The following FEZ1 variants were observed in gnomAD, a reference collection of about 807,000 sequenced individuals.
The protein encoded by FEZ1 is fasciculation and elongation protein zeta 1, also known as fasciculation and elongation protein zeta-1.
In FEZ1, 20 loss-of-function variants were observed where a neutral mutation model predicts 49.3. The ratio of observed to expected loss-of-function variants is 0.41; its 90% CI spans 0.29 to 0.59. FEZ1 has a LOEUF of 0.59. Among genes scored for constraint, FEZ1 ranks in the 20% least tolerant of loss-of-function variants. FEZ1 has a pLI of 0.36. For synonymous variants in FEZ1, 170 were observed against 180.9 expected (o/e 0.94, Z 0.48); for missense variants, 413 against 476.0 (o/e 0.87, Z 1.23).
At chr11:125,458,762 T>C (rs1183261580) in intron 5 of FEZ1, among the ~76,000 whole-genome samples, 2 of 152,192 alleles carry the variant, frequency 1.3e-5, no homozygotes. Flanking sequence ...GGCCTGGAGG[T>C]TACTGCTTTG....
intron 5 of FEZ1, among the ~76,000 whole-genome samples, chr11:125,457,492 G>GACACA (rs1565533662): frequency 3.5e-5 from 1 of 28,440 alleles, no homozygotes; most frequent in East Asian, 1.3e-3. Context: ...ACATATATGT[G>GACACA]TATATATGTA....
intron 8 of FEZ1, among the ~76,000 whole-genome samples, chr11:125,451,063 T>C (rs994993991): frequency 6.6e-6 from 1 of 152,224 alleles, no homozygotes; most frequent in Non-Finnish European, 1.5e-5. Flanking sequence ...CTGCAACAAA[T>C]TAATAGCTAT....
At chr11:125,473,800 C>G (rs1591594429) in intron 3 of FEZ1, among the ~76,000 whole-genome samples, 1 of 122,192 alleles carries the variant, frequency 8.2e-6, no homozygotes, top group Non-Finnish European at 1.6e-5. Context: ...GCCTGGGCAA[C>G]AGAGCAAGAC....
rs184484984 is a variant in FEZ1 at position 125,464,243 on chromosome 11, A to G, written c.412-673T>C. On this transcript the variant is annotated intron_variant, in intron 3 of 9. Coordinates refer to ENST00000278919, the MANE Select transcript of FEZ1 (RefSeq NM_005103.5). Reference sequence around the variant, plus strand: ...CTATAATTCCATAATCCCAAGTAAGATCCTCAAAGTTCACAGCCATCAAAA... The same window carrying G: ...CTATAATTCCATAATCCCAAGTAAGGTCCTCAAAGTTCACAGCCATCAAAA... Among the ~76,000 whole-genome samples the G allele has an allele frequency of 1.8e-3, 277 of 152,294 alleles. 6 individuals carry two copies. Among genetic ancestry groups the G allele is most frequent in the African/African-American group, 4.9e-3 (202 of 41,558 alleles).
intron 2 of FEZ1, 74 bp from the exon 3 acceptor site, chr11:125,481,707 C>G (rs961289585): frequency 3.3e-5 from 34 of 1,037,280 alleles, no homozygotes; most frequent in Non-Finnish European, 4.4e-5. Context: ...AGAGCTGGGC[C>G]GGGAGAGGAG....
Position 125,444,947 on chromosome 11 carries a change from T to C in FEZ1, c.*1148A>G, listed in dbSNP as rs1395530790. 2.6e-5 allele frequency among the ~76,000 whole-genome samples: 4 copies of C among 152,196 alleles called. No individual in the cohort carries two copies. The highest frequency in any genetic ancestry group is 2.6e-4 in the Admixed American group (4 of 15,282). On this transcript the variant is annotated 3_prime_UTR_variant, in exon 10 of 10. Transcript: ENST00000278919. ...TGAAGCCAGTGCAGGCTACAGCAAG[T>C]GCCCAGTACAAGTTTTTGCTTTCAG...
At position 125,489,266 on chromosome 11, in the gene FEZ1, A is replaced by G; in HGVS notation, c.311+201T>C. On this transcript the variant is annotated intron_variant, in intron 2 of 9. Coordinates refer to ENST00000278919, the MANE Select transcript of FEZ1 (RefSeq NM_005103.5). The surrounding 1 kb of genome is among the most constrained non-coding windows in gnomAD (Gnocchi z 4.2). ...AAACCTTCATTCCTCTAAGGTTTCA[A>G]TTTAAGAAAGTTCTCCTCAGGGGAC... 1.6e-6 allele frequency: 2 copies of G among 1,221,168 alleles called. No individual in the cohort carries two copies. Among genetic ancestry groups the G allele is most frequent in the Non-Finnish European group, 2.0e-6 (2 of 981,054 alleles). 75.6% of individuals were successfully genotyped at this position (1,221,168 alleles called of 1,614,324 possible). A position where few individuals can be genotyped will look rare whatever the true frequency, so the allele number is the denominator to read the frequency against.
intron 2 of FEZ1, among the ~76,000 whole-genome samples, chr11:125,484,640 C>G (rs1957311265): frequency 6.7e-6 from 1 of 149,296 alleles, no homozygotes. Context: ...TGCACTCCAT[C>G]CTGGGCAACA....
At chr11:125,451,178 A>G (rs1231223971) in intron 8 of FEZ1, among the ~76,000 whole-genome samples, 1 of 152,200 alleles carries the variant, frequency 6.6e-6, no homozygotes, top group African/African-American at 2.4e-5. Flanking sequence ...ACATCTATAA[A>G]TGTCAGTTCA....
chr11:125,460,223 T>C, intron 5 of FEZ1: 1 of 323,482 alleles, frequency 3.1e-6, no homozygotes, highest in Non-Finnish European at 5.6e-6. Flanking sequence ...ATTGCTTTTA[T>C]ATAGTAGTTC....
At position 125,455,902 on chromosome 11, in the gene FEZ1, C is replaced by T; in HGVS notation, c.872G>A (p.Arg291Lys). Reference protein sequence around the residue: ...QKEQRELMKKRRKEKGLSLQS... With the variant: ...QKEQRELMKKKRKEKGLSLQS... ...CAGGCTCAGCCCTTTCTCTTTCCGCCTCTTTTTCATCAGTTCTCGCTGCTC... is the reference window on the plus strand; with the variant it reads ...CAGGCTCAGCCCTTTCTCTTTCCGCTTCTTTTTCATCAGTTCTCGCTGCTC... Residue 291 changes from arginine (R) to lysine (K), a missense_variant, in exon 6 of 10, where the codon AGG becomes AAG. Physicochemically the swap from Arg to Lys is conservative, Grantham distance 26. Coordinates refer to ENST00000278919, the MANE Select transcript of FEZ1 (RefSeq NM_005103.5). 1.2e-6 allele frequency: 2 copies of T among 1,613,778 alleles called. No individual in the cohort carries two copies. Among genetic ancestry groups the T allele is most frequent in the Non-Finnish European group, 1.7e-6 (2 of 1,179,980 alleles).
intron 5 of FEZ1, among the ~76,000 whole-genome samples, chr11:125,458,284 A>G (rs930733493): frequency 2.6e-5 from 4 of 151,780 alleles, no homozygotes; most frequent in Non-Finnish European, 5.9e-5. Context: ...GGGTGGATCA[A>G]CTCCTAGGAT....
chr11:125,448,515 G>A lies in FEZ1; in HGVS notation c.1149C>T (p.Asp383=), dbSNP rs200878231. The change falls in exon 9 of 10, where the codon GAC becomes GAT. Residue 383 remains aspartate (D), a synonymous_variant. Transcript: ENST00000278919. ...DNEKVPTLLT[D]YILKVLCPT ...GGCTGCTCTTACCTTTTAAAATGTA[G>A]TCCGTTAGCAAAGTAGGCACCTTCT... 1 of 1,610,920 alleles carries A rather than the reference G, an allele frequency of 6.2e-7. No individual in the cohort carries two copies. The highest frequency in any genetic ancestry group is 1.3e-5 in the African/African-American group (1 of 74,984).
intron 5 of FEZ1, 181 bp downstream of exon 5, chr11:125,460,317 C>G (rs1957061686): frequency 2.0e-6 from 1 of 495,216 alleles, no homozygotes; most frequent in Non-Finnish European, 3.5e-6. Context: ...TTGTTCTTTT[C>G]TCAAAAATGC....
rs2135731233 is a variant in FEZ1, at chr11:125,445,502, C to T, written c.*593G>A. Among the ~76,000 whole-genome samples the T allele has an allele frequency of 6.6e-6, 1 of 152,352 alleles. No homozygotes were observed. Among genetic ancestry groups the T allele is most frequent in the Non-Finnish European group, 1.5e-5 (1 of 68,034 alleles). On this transcript the variant is annotated 3_prime_UTR_variant, in exon 10 of 10. Coordinates refer to ENST00000278919, the MANE Select transcript of FEZ1 (RefSeq NM_005103.5). This position sits in a 1 kb window ranked among gnomAD's most constrained non-coding sequence, Gnocchi z 4.4. Reference sequence around the variant, plus strand: ...CAGCTCCTTTCTGCAGCCCCTGGTGCAGCTCCCTTGCATGTGGCTGAGCAG... The same window carrying T: ...CAGCTCCTTTCTGCAGCCCCTGGTGTAGCTCCCTTGCATGTGGCTGAGCAG...
At chr11:125,456,974 A>G (rs561804206) in intron 5 of FEZ1, among the ~76,000 whole-genome samples, 1 of 152,140 alleles carries the variant, frequency 6.6e-6, no homozygotes, top group Non-Finnish European at 1.5e-5. Context: ...ACCTGAGGTC[A>G]GGAGTTCGAA....
chr11:125,453,876 T>A, intron 7 of FEZ1: 1 of 328,540 alleles, frequency 3.0e-6, no homozygotes, highest in Non-Finnish European at 5.3e-6. Flanking sequence ...TTCTTAGACC[T>A]ACAAGCAGTG....
chr11:125,454,278 C>A, intron 6 of FEZ1, 68 bp from the exon 7 acceptor site: 1 of 1,232,878 alleles, frequency 8.1e-7, no homozygotes, highest in Non-Finnish European at 1.2e-6. Flanking sequence ...CCAGGGACCT[C>A]TCAGCTACCA....
At chr11:125,448,645 C>A in intron 8 of FEZ1, 78 bp from the exon 9 acceptor site, 1 of 862,104 alleles carries the variant, frequency 1.2e-6, no homozygotes, top group Non-Finnish European at 2.0e-6. Flanking sequence ...GACCCACCAG[C>A]CCAGAGTGAG....
Sources: allele counts gnomAD v4.1 joint callset (sites outside exome capture counted in the v4.1 genomes callset), GRCh38; gene constraint gnomAD v4.1.1; non-coding constraint Gnocchi (gnomAD v3.1); transcripts MANE v1.5; gene names NCBI Gene and HGNC (gene_info 2026-07-23, HGNC 2026-07-21).